Variants in SNRNP35 observed in about 807,000 individuals in gnomAD.
SNRNP35 encodes the protein U11/U12 small nuclear ribonucleoprotein 35 kDa protein.
Under a neutral mutation model 24.3 loss-of-function variants are expected in SNRNP35, and 16 were observed. That is an observed-to-expected ratio of 0.66 (90% CI 0.45 to 1.00). SNRNP35 has a LOEUF of 1.00. Among genes scored for constraint, SNRNP35 ranks in the 50% least tolerant of loss-of-function variants. SNRNP35 has a pLI of 0.00. For missense variants in SNRNP35, 292 were observed against 327.2 expected, an observed-to-expected ratio of 0.89 and a Z score of 0.83; for synonymous variants, 106 against 124.8, an observed-to-expected ratio of 0.85 and a Z score of 1.00.
chr12:123,469,499 T>G (rs1261084319), downstream of SNRNP35, among the ~76,000 whole-genome samples: 6 of 150,012 alleles, frequency 4.0e-5, no homozygotes, highest in African/African-American at 1.5e-4. Flanking sequence ...TTGCTATACA[T>G]TTTTTTTTCT....
chr12:123,460,983 A>T (rs796738277), intron 1 of SNRNP35, among the ~76,000 whole-genome samples: 1,676 of 107,468 alleles, frequency 0.016, 40 homozygotes, highest in African/African-American at 0.063. Flanking sequence ...TTTTTTTTTT[A>T]AAAACAGAGA....
At position 123,465,624 on chromosome 12, in the gene SNRNP35, C is replaced by T. The variant is rs754191856; in HGVS notation, c.84C>T (p.Asp28=). 2 of 1,612,434 alleles carry T rather than the reference C, an allele frequency of 1.2e-6. No individual in the cohort carries two copies. Among genetic ancestry groups the T allele is most frequent in the Admixed American group, 3.3e-5 (2 of 59,754 alleles). The change falls in exon 2 of 2, where the codon GAC becomes GAT. Residue 28 remains aspartate, a synonymous_variant. Coordinates refer to ENST00000526639, the MANE Select transcript of SNRNP35 (RefSeq NM_022717.4). The surrounding 1 kb of genome is among the most constrained non-coding windows in gnomAD (Gnocchi z 4.2). ...ATGGCACCGATGAAGACCCACACGACCGCGCGGTCTGGAGGGCAATGCTGG... is the reference window on the plus strand; with the variant it reads ...ATGGCACCGATGAAGACCCACACGATCGCGCGGTCTGGAGGGCAATGCTGG... The part of the protein sequence containing the change: ...SIDGTDEDPH[D]RAVWRAMLAR...
At chr12:123,461,074 C>G (rs1318657368) in intron 1 of SNRNP35, among the ~76,000 whole-genome samples, 3 of 150,884 alleles carry the variant, frequency 2.0e-5, no homozygotes, top group African/African-American at 7.3e-5. Flanking sequence ...TTTGGCCTCT[C>G]AAAGTGCTGG....
downstream of SNRNP35, among the ~76,000 whole-genome samples, chr12:123,468,633 T>C (rs1015217594): frequency 3.9e-5 from 6 of 152,146 alleles, no homozygotes; most frequent in Non-Finnish European, 8.8e-5. Flanking sequence ...GAGGTTGCAG[T>C]GAGCTGAGAT....
chr12:123,469,361 G>A (rs1881089257), downstream of SNRNP35, among the ~76,000 whole-genome samples: 1 of 152,030 alleles, frequency 6.6e-6, no homozygotes, highest in Non-Finnish European at 1.5e-5. Flanking sequence ...CTCTATGTTG[G>A]CCAGGCTGGT....
downstream of SNRNP35, among the ~76,000 whole-genome samples, chr12:123,467,127 T>G (rs1881016066): frequency 6.6e-6 from 1 of 152,166 alleles, no homozygotes; most frequent in Non-Finnish European, 1.5e-5. Context: ...TATCTTTATA[T>G]CCATAGCCCA....
chr12:123,461,968 C>G (rs374782265), intron 1 of SNRNP35, among the ~76,000 whole-genome samples: 2 of 152,122 alleles, frequency 1.3e-5, no homozygotes, highest in African/African-American at 4.8e-5. Context: ...GATCCGCCTG[C>G]CTCGGCCTCC....
chr12:123,472,284 A>G, exon 2 of SNRNP35: 1 of 436,542 alleles, frequency 2.3e-6, no homozygotes, highest in South Asian at 4.4e-5. Flanking sequence ...TTGTGGGATT[A>G]TTAAATATAT....
At chr12:123,464,090 C>T (rs975897431) in intron 1 of SNRNP35, among the ~76,000 whole-genome samples, 2 of 150,908 alleles carry the variant, frequency 1.3e-5, no homozygotes, top group African/African-American at 4.9e-5. Flanking sequence ...CCTACAACCA[C>T]GCCCCGCTAA....
downstream of SNRNP35, among the ~76,000 whole-genome samples, chr12:123,469,440 A>G (rs1593519886): frequency 6.6e-6 from 1 of 152,000 alleles, no homozygotes; most frequent in Non-Finnish European, 1.5e-5. Context: ...GGTATGAACC[A>G]CTGCTCCTGG....
At chr12:123,463,995 G>A (rs1443971095) in intron 1 of SNRNP35, among the ~76,000 whole-genome samples, 1 of 148,684 alleles carries the variant, frequency 6.7e-6, no homozygotes, top group Non-Finnish European at 1.5e-5. Context: ...GTGCAATGGC[G>A]TGGTCTCGGC....
At chr12:123,464,057 T>C (rs1183705389) in intron 1 of SNRNP35, among the ~76,000 whole-genome samples, 1 of 146,730 alleles carries the variant, frequency 6.8e-6, no homozygotes, top group Non-Finnish European at 1.5e-5. Context: ...CCTCAGCCTC[T>C]TGAGTACCTG....
At position 123,458,217 on chromosome 12, in the gene SNRNP35, G is replaced by C. The variant is rs938399915; in HGVS notation, c.-4+1G>C. On this transcript the variant is annotated splice_donor_variant, in intron 1 of 1. Coordinates refer to ENST00000526639, the MANE Select transcript of SNRNP35 (RefSeq NM_022717.4). LOFTEE classifies it low-confidence loss of function (5UTR_SPLICE). ...GGAAGGGAGCCCAAGCTTTGCAGAGGTGAGTGGAAGCGGCTTGGAAGGAGC... is the reference window on the plus strand; with the variant it reads ...GGAAGGGAGCCCAAGCTTTGCAGAGCTGAGTGGAAGCGGCTTGGAAGGAGC... The C allele has an allele frequency of 6.1e-6, 6 of 985,392 alleles. No individual in the cohort carries two copies. The highest frequency in any genetic ancestry group is 7.2e-6 in the Non-Finnish European group (6 of 830,008). 61.0% of individuals were successfully genotyped at this position (985,392 alleles called of 1,614,324 possible).
In SNRNP35 at chr12:123,465,847, C is replaced by T. The variant is rs747117528; in HGVS notation, c.307C>T (p.Arg103Cys). ...GYAFIEYKEE[R>C]AVIKAYRDAD... is the part of the protein sequence containing the mutation. The stretch of plus-strand genomic sequence containing the variant: ...CGCCTTCATCGAATACAAGGAGGAG[C>T]GTGCCGTGATCAAAGCTTACCGAGA... Residue 103 changes from arginine to cysteine, a missense_variant, in exon 2 of 2, where the codon CGT becomes TGT. Coordinates refer to ENST00000526639, the MANE Select transcript of SNRNP35 (RefSeq NM_022717.4). The surrounding 1 kb of genome is among the most constrained non-coding windows in gnomAD (Gnocchi z 4.2). The T allele has an allele frequency of 5.6e-6, 9 of 1,613,812 alleles. No homozygotes were observed. The highest frequency in any genetic ancestry group is 3.3e-5 in the South Asian group (3 of 91,068).
chr12:123,472,455 G>A (rs1175263988), exon 2 of SNRNP35: 7 of 1,460,322 alleles, frequency 4.8e-6, no homozygotes, highest in Non-Finnish European at 6.5e-6. Context: ...AGAGGCTTGA[G>A]GCAGCAATGA....
In SNRNP35 at chr12:123,466,840, C is replaced by A. The variant is rs148630846; in HGVS notation, c.*559C>A. On this transcript the variant is annotated 3_prime_UTR_variant, in exon 2 of 2. Coordinates refer to ENST00000526639, the MANE Select transcript of SNRNP35 (RefSeq NM_022717.4). Reference sequence around the variant, plus strand: ...CTGGGATTACAGGTGTGAGCCACTACTCCTGGCCTGGTCTCCAACTCTTGA... The same window carrying A: ...CTGGGATTACAGGTGTGAGCCACTAATCCTGGCCTGGTCTCCAACTCTTGA... 0.014 allele frequency: 2,179 copies of A among 152,454 alleles called. 39 individuals carry two copies. The highest frequency in any genetic ancestry group is 0.058 in the Admixed American group (890 of 15,278). 9.4% of individuals were successfully genotyped at this position (152,454 alleles called of 1,614,324 possible).
chr12:123,458,246 C>T, intron 1 of SNRNP35, 30 bp downstream of exon 1: 1 of 984,782 alleles, frequency 1.0e-6, no homozygotes, highest in Non-Finnish European at 1.2e-6. Flanking sequence ...AAGGAGCGGG[C>T]CCCACGCCGG....
exon 2 of SNRNP35, chr12:123,472,549 G>C (rs1355238371): frequency 1.3e-6 from 2 of 1,551,684 alleles, no homozygotes; most frequent in Admixed American, 2.0e-5. Flanking sequence ...CACAGATGCT[G>C]CAGGGCTTCC....
In SNRNP35 at chr12:123,461,866, C is replaced by T. The variant is rs531531326; in HGVS notation, c.-4+3650C>T. 6.6e-5 allele frequency among the ~76,000 whole-genome samples: 10 copies of T among 151,892 alleles called. No homozygotes were observed. In the East Asian group the frequency reaches 7.8e-4, roughly 12 times the overall value. On this transcript the variant is annotated intron_variant, in intron 1 of 1. Transcript: ENST00000526639. The stretch of plus-strand genomic sequence containing the variant: ...CCTCCCAAGTAGCTGGGACTGCAGG[C>T]GCCCGCCACCACACCCAGCTAATTT...
Sources: gnomAD v4.1 joint callset for allele counts (sites outside exome capture counted in the v4.1 genomes callset) on GRCh38, gnomAD v4.1.1 for gene constraint, Gnocchi (gnomAD v3.1) non-coding constraint, MANE v1.5 for transcripts, NCBI Gene and HGNC (gene_info 2026-07-23, HGNC 2026-07-21) for gene names.